ACBD6: variants seen among roughly 807,000 people sequenced by gnomAD.
ACBD6 encodes the protein acyl-CoA binding domain containing 6, also known as acyl-CoA-binding domain-containing protein 6.
ACBD6 carries 28 observed loss-of-function variants against 37.2 expected under a neutral mutation model. That is an observed-to-expected ratio of 0.75 (90% confidence interval 0.56 to 1.03). ACBD6 has a LOEUF of 1.03. Ranked by LOEUF, ACBD6 falls within the 50% of genes least tolerant of loss-of-function variation. ACBD6 has a pLI of 0.00. For missense variants in ACBD6, 340 were observed against 337.4 expected (o/e 1.01, Z -0.06); for synonymous variants, 113 against 126.8 (o/e 0.89, Z 0.73).
Position 180,326,032 on chromosome 1 carries a change from C to T in ACBD6, c.664-11310G>A, listed in dbSNP as rs897700624. On this transcript the variant is annotated intron_variant, in intron 6 of 7. Transcript: ENST00000367595. The stretch of plus-strand genomic sequence containing the variant: ...CACTGCAATCACTACCTGGCTACCA[C>T]CTATCTTTACTCAAGGCCCTAGGGC... Among the ~76,000 whole-genome samples the T allele has an allele frequency of 9.9e-5, 15 of 152,202 alleles. No homozygotes were observed. In the East Asian group the frequency reaches 2.9e-3, roughly 29 times the overall value.
At chr1:180,418,297 G>A (rs1047288573) in intron 4 of ACBD6, among the ~76,000 whole-genome samples, 1 of 152,108 alleles carries the variant, frequency 6.6e-6, no homozygotes, top group Non-Finnish European at 1.5e-5. Flanking sequence ...CTTATATGAG[G>A]AAGTGTGTGG....
chr1:180,290,733 G>A (rs1326713179), intron 7 of ACBD6, among the ~76,000 whole-genome samples: 1 of 152,220 alleles, frequency 6.6e-6, no homozygotes, highest in African/African-American at 2.4e-5. Flanking sequence ...AGAAGGAAAG[G>A]CATTGCAGAA....
At chr1:180,301,175 G>C (rs1173182410) in intron 7 of ACBD6, among the ~76,000 whole-genome samples, 2 of 152,112 alleles carry the variant, frequency 1.3e-5, no homozygotes, top group Non-Finnish European at 2.9e-5. Flanking sequence ...ATCTGCCTAG[G>C]TTTAGACTTT....
chr1:180,288,856 TA>T (rs1295249389), intron 7 of ACBD6, among the ~76,000 whole-genome samples: 1 of 152,190 alleles, frequency 6.6e-6, no homozygotes, highest in African/African-American at 2.4e-5. Flanking sequence ...CTTTGATCTT[TA>T]TTTCAGAATA....
chr1:180,342,403 T>C (rs1652015860), intron 6 of ACBD6, among the ~76,000 whole-genome samples: 1 of 152,150 alleles, frequency 6.6e-6, no homozygotes, highest in Non-Finnish European at 1.5e-5. Context: ...CTTAAATTAT[T>C]ATCTAATCCA....
intron 6 of ACBD6, among the ~76,000 whole-genome samples, chr1:180,348,678 AGTAAATTG>A (rs1344106337): frequency 2.0e-5 from 3 of 152,224 alleles, no homozygotes; most frequent in Admixed American, 6.5e-5. Context: ...AGAATGGAGA[AGTAAATTG>A]TAAGCCTGCC....
At position 180,288,948 on chromosome 1, in the gene ACBD6, G is replaced by C. The variant is rs566729554; in HGVS notation, c.695-431C>G. ...AAGGTTTTGTTTTGTTTTTGAAGAG[G>C]GGATAAGTGGGTAACTAACTGAACT... is the stretch of plus-strand genomic sequence containing the variant. On this transcript the variant is annotated intron_variant, in intron 7 of 7. Transcript: ENST00000367595. Among the ~76,000 whole-genome samples the C allele has an allele frequency of 2.6e-5, 4 of 151,780 alleles. No homozygotes were observed. The East Asian group carries it at 7.7e-4, about 29-fold the overall frequency.
intron 2 of ACBD6, among the ~76,000 whole-genome samples, chr1:180,493,267 A>ACC (rs1234589221): frequency 5.4e-5 from 6 of 110,296 alleles, no homozygotes; most frequent in African/African-American, 1.9e-4. Flanking sequence ...AAAAAAAAAA[A>ACC]AAAAAAAAAA....
At chr1:180,390,194 G>A (rs1490735971) in intron 6 of ACBD6, among the ~76,000 whole-genome samples, 1 of 151,990 alleles carries the variant, frequency 6.6e-6, no homozygotes, top group Non-Finnish European at 1.5e-5. Flanking sequence ...GTGTAAGGAA[G>A]GGATCCAGTT....
intron 5 of ACBD6, among the ~76,000 whole-genome samples, chr1:180,405,861 C>T (rs948462389): frequency 3.3e-5 from 5 of 152,014 alleles, no homozygotes; most frequent in Non-Finnish European, 7.4e-5. Flanking sequence ...GTGTGAAGAG[C>T]TGTACTAATG....
chr1:180,299,691 A>G (rs1346723493), intron 7 of ACBD6, among the ~76,000 whole-genome samples: 1 of 152,002 alleles, frequency 6.6e-6, no homozygotes, highest in Non-Finnish European at 1.5e-5. Context: ...AAGCCTGCCC[A>G]CTCTGAAATC....
intron 6 of ACBD6, among the ~76,000 whole-genome samples, chr1:180,372,575 GA>G (rs1203210786): frequency 6.6e-6 from 1 of 152,076 alleles, no homozygotes; most frequent in Non-Finnish European, 1.5e-5. Context: ...TTATTAGTGG[GA>G]AAGTTAGTTC....
chr1:180,415,222 C>A (rs1030179375), intron 4 of ACBD6, among the ~76,000 whole-genome samples: 1 of 151,994 alleles, frequency 6.6e-6, no homozygotes, highest in Non-Finnish European at 1.5e-5. Context: ...CATGGTGAAA[C>A]CCCGTTTCTA....
chr1:180,434,806 G>C, intron 3 of ACBD6: 1 of 711,378 alleles, frequency 1.4e-6, no homozygotes, highest in Non-Finnish European at 2.6e-6. Flanking sequence ...GAAGGTGGCT[G>C]TGCCACCCAC....
intron 6 of ACBD6, among the ~76,000 whole-genome samples, chr1:180,390,318 C>A (rs57121397): frequency 7.4e-6 from 1 of 135,800 alleles, no homozygotes; most frequent in African/African-American, 2.7e-5. Context: ...GTTGTAGATA[C>A]GCGGCATTAT....
chr1:180,294,690 A>C (rs1289595523), intron 7 of ACBD6, among the ~76,000 whole-genome samples: 2 of 150,162 alleles, frequency 1.3e-5, no homozygotes, highest in Non-Finnish European at 3.0e-5. Context: ...GAAACTGGTA[A>C]TTTGCCTTTT....
chr1:180,417,212 G>A (rs1648135318), intron 4 of ACBD6, among the ~76,000 whole-genome samples: 1 of 152,058 alleles, frequency 6.6e-6, no homozygotes, highest in African/African-American at 2.4e-5. Flanking sequence ...CTAGATAAAT[G>A]TATTCTTTAC....
At chr1:180,435,724 A>G (rs748923417) in intron 3 of ACBD6, 5 of 845,550 alleles carry the variant, frequency 5.9e-6, no homozygotes, top group Non-Finnish European at 1.0e-5. Flanking sequence ...TCGCCTGGAC[A>G]GCAGGAAACA....
chr1:180,458,327 C>A (rs551861694), intron 3 of ACBD6, among the ~76,000 whole-genome samples: 1 of 152,150 alleles, frequency 6.6e-6, no homozygotes. Context: ...TTCAACTCAA[C>A]GCAACAGCAT....
Sources: allele counts gnomAD v4.1 joint callset (sites outside exome capture counted in the v4.1 genomes callset), GRCh38; gene constraint gnomAD v4.1.1; transcripts MANE v1.5; gene names NCBI Gene and HGNC (gene_info 2026-07-23, HGNC 2026-07-21).